The following DIAPH2 variants were observed in gnomAD, a reference collection of about 807,000 sequenced individuals.
DIAPH2 encodes protein diaphanous homolog 2.
A neutral mutation model predicts 92.7 loss-of-function variants in DIAPH2; 35 were observed. That is an observed-to-expected ratio of 0.38 (90% CI 0.29 to 0.50). DIAPH2 has a LOEUF of 0.50. Ranked by LOEUF, DIAPH2 falls within the 20% of genes least tolerant of loss-of-function variation. DIAPH2 has a pLI of 0.94. For missense variants in DIAPH2, 701 were observed against 819.5 expected (o/e 0.86, Z 1.77); for synonymous variants, 301 against 280.4 (o/e 1.07, Z -0.73).
intron 26 of DIAPH2, among the ~76,000 whole-genome samples, chrX:97,556,448 A>G (rs920518486): frequency 8.9e-6 from 1 of 112,427 alleles, no homozygotes; most frequent in African/African-American, 3.2e-5. Context: ...TCTGGAGGCT[A>G]GAAGTTTAAA....
chrX:96,814,942 T>A (rs977468657), intron 4 of DIAPH2, among the ~76,000 whole-genome samples: 41 of 111,496 alleles, frequency 3.7e-4, no homozygotes, highest in African/African-American at 1.3e-3. Flanking sequence ...TAGGTGTCAG[T>A]TGGCCCCTAC....
chrX:97,537,662 T>TGTC (rs2071106797), intron 26 of DIAPH2, among the ~76,000 whole-genome samples: 1 of 111,293 alleles, frequency 9.0e-6, no homozygotes, highest in Non-Finnish European at 1.9e-5. Context: ...GCTCACTCTC[T>TGTC]GTCTCACAGA....
rs372940910 is a variant in DIAPH2, at chrX:97,254,005, G to A, written c.2844+6166G>A. Among the ~76,000 whole-genome samples the A allele has an allele frequency of 2.6e-4, 29 of 111,912 alleles. 2 individuals are homozygous for A. Among genetic ancestry groups the A allele is most frequent in the East Asian group, 2.0e-3 (7 of 3,530 alleles). On this transcript the variant is annotated intron_variant, in intron 23 of 26. Transcript: ENST00000324765. ...TAGAAGGAGATATCAAAGATAAGGG[G>A]ATTCCCCCTAAACCAACTTGATAGG...
intron 1 of DIAPH2, among the ~76,000 whole-genome samples, chrX:96,705,354 A>C (rs2063879513): frequency 9.0e-6 from 1 of 111,718 alleles, no homozygotes; most frequent in Non-Finnish European, 1.9e-5. Context: ...AACTCTAAAA[A>C]ATAAAAATTA....
intron 25 of DIAPH2, among the ~76,000 whole-genome samples, chrX:97,391,178 G>T (rs141157635): frequency 1.8e-5 from 2 of 111,295 alleles, no homozygotes; most frequent in Non-Finnish European, 3.8e-5. Context: ...TTGGGTGTCT[G>T]TCAAGATGGA....
At chrX:97,301,139 A>T (rs1392127726) in intron 23 of DIAPH2, among the ~76,000 whole-genome samples, 1 of 90,554 alleles carries the variant, frequency 1.1e-5, no homozygotes, top group African/African-American at 4.2e-5. Flanking sequence ...CCACAGAGCG[A>T]GACTCCGTCT....
At chrX:97,427,185 A>AT (rs1423053434) in intron 25 of DIAPH2, among the ~76,000 whole-genome samples, 1 of 111,069 alleles carries the variant, frequency 9.0e-6, no homozygotes, top group Non-Finnish European at 1.9e-5. Flanking sequence ...CTCAAAAAAA[A>AT]AAAAATCAAT....
intron 21 of DIAPH2, among the ~76,000 whole-genome samples, chrX:97,129,451 C>T (rs5921352): frequency 0.036 from 3,934 of 110,550 alleles, 67 homozygotes; most frequent in Non-Finnish European, 0.042. Context: ...AGGCATGAGC[C>T]GCTGTGCCTG....
intron 24 of DIAPH2, among the ~76,000 whole-genome samples, chrX:97,382,303 T>C (rs771575262): frequency 9.3e-4 from 104 of 112,265 alleles, no homozygotes; most frequent in Middle Eastern, 4.6e-3. Context: ...TATAATTCAG[T>C]GGTTTGGCCG....
intron 17 of DIAPH2, among the ~76,000 whole-genome samples, chrX:97,063,184 G>T (rs2066611793): frequency 9.0e-6 from 1 of 111,597 alleles, no homozygotes. Context: ...AGATAAAATT[G>T]AAACCAGTTG....
chrX:96,939,120 G>C (rs2065676908), intron 11 of DIAPH2, 146 bp from the exon 12 acceptor site: 1 of 348,472 alleles, frequency 2.9e-6, no homozygotes, highest in Non-Finnish European at 5.1e-6. Context: ...ACTTTATGCA[G>C]ATGTTTAAAT....
intron 21 of DIAPH2, among the ~76,000 whole-genome samples, chrX:97,141,450 A>AAGGT (rs2067208171): frequency 9.0e-6 from 1 of 111,432 alleles, no homozygotes; most frequent in Non-Finnish European, 1.9e-5. Context: ...AATACAGATT[A>AAGGT]AGGTTTAATT....
intron 23 of DIAPH2, among the ~76,000 whole-genome samples, chrX:97,277,154 T>C (rs2068458465): frequency 9.0e-6 from 1 of 111,483 alleles, no homozygotes; most frequent in South Asian, 3.8e-4. Flanking sequence ...CTGGCCAACA[T>C]GGGGATAACC....
At chrX:96,698,993 C>T (rs2063840000) in intron 1 of DIAPH2, among the ~76,000 whole-genome samples, 1 of 109,692 alleles carries the variant, frequency 9.1e-6, no homozygotes, top group Admixed American at 9.8e-5. Flanking sequence ...AACTCAGCCT[C>T]TCACTTGGAT....
At chrX:97,274,870 T>C (rs1184240555) in intron 23 of DIAPH2, among the ~76,000 whole-genome samples, 1 of 110,943 alleles carries the variant, frequency 9.0e-6, no homozygotes, top group Non-Finnish European at 1.9e-5. Flanking sequence ...CCTTCAAGCA[T>C]CTGTTTAACA....
chrX:97,454,597 T>C (rs2070386812), intron 26 of DIAPH2, among the ~76,000 whole-genome samples: 1 of 111,429 alleles, frequency 9.0e-6, no homozygotes, highest in South Asian at 3.8e-4. Flanking sequence ...GACTCACGCC[T>C]GTAATCCCAG....
intron 26 of DIAPH2, among the ~76,000 whole-genome samples, chrX:97,509,813 C>A (rs2070871777): frequency 9.1e-6 from 1 of 110,180 alleles, no homozygotes; most frequent in Non-Finnish European, 1.9e-5. Context: ...CCAATTTCAT[C>A]CATGTCCCTA....
At chrX:97,204,298 A>G (rs2067777740) in intron 22 of DIAPH2, among the ~76,000 whole-genome samples, 1 of 111,926 alleles carries the variant, frequency 8.9e-6, no homozygotes, top group Admixed American at 9.5e-5. Context: ...CTCCTATTCG[A>G]CATAGTATTG....
chrX:97,426,115 C>A (rs2147774040), intron 25 of DIAPH2, among the ~76,000 whole-genome samples: 1 of 109,897 alleles, frequency 9.1e-6, no homozygotes, highest in East Asian at 2.9e-4. Context: ...CTTGTTTATC[C>A]CTGGTCATCT....
Sources: gnomAD v4.1 joint callset for allele counts (sites outside exome capture counted in the v4.1 genomes callset) on GRCh38, gnomAD v4.1.1 for gene constraint, MANE v1.5 for transcripts, NCBI Gene and HGNC (gene_info 2026-07-23, HGNC 2026-07-21) for gene names.